The following BANK1 variants were observed in gnomAD, a reference collection of about 807,000 sequenced individuals.
BANK1 encodes the protein B cell scaffold protein with ankyrin repeats 1.
In BANK1, 95 loss-of-function variants were observed where a neutral mutation model predicts 94.5. That is an observed-to-expected ratio of 1.00 (90% CI 0.85 to 1.19). The LOEUF is 1.19. Among genes scored for constraint, BANK1 ranks in the 50% most tolerant of loss-of-function variants. The pLI is 0.00. For missense variants in BANK1, 987 were observed against 932.2 expected, an observed-to-expected ratio of 1.06 and a Z score of -0.77; for synonymous variants, 334 against 308.4, an observed-to-expected ratio of 1.08 and a Z score of -0.87.
At position 102,073,762 on chromosome 4, in the gene BANK1, T is replaced by TTATAC; in HGVS notation, c.*5+14_*5+15insTATAC. ...TCATTAAAGAAGGTAAAATATTAGC[T>TTATAC]GTGTATATTTTTTAGAAAATCTAAA... On this transcript the variant is annotated intron_variant, in intron 16 of 16. Coordinates refer to ENST00000322953, the MANE Select transcript of BANK1 (RefSeq NM_017935.5). 1 of 1,588,168 alleles carries TTATAC rather than the reference T, an allele frequency of 6.3e-7. No homozygotes were observed. Among genetic ancestry groups the TTATAC allele is most frequent in the Non-Finnish European group, 8.6e-7 (1 of 1,162,636 alleles).
intron 7 of BANK1, among the ~76,000 whole-genome samples, chr4:101,946,702 G>C (rs919344958): frequency 6.6e-6 from 1 of 151,886 alleles, no homozygotes; most frequent in Non-Finnish European, 1.5e-5. Flanking sequence ...ACTACTCCTG[G>C]TGATCTTCAA....
intron 1 of BANK1, among the ~76,000 whole-genome samples, chr4:101,815,784 CTCTTG>C (rs1392218100): frequency 7.3e-6 from 1 of 136,194 alleles, no homozygotes; most frequent in Admixed American, 7.2e-5. Flanking sequence ...TTTTGTCACA[CTCTTG>C]TTTTTTATAG....
chr4:101,895,208 T>C, intron 5 of BANK1, 97 bp from the exon 6 acceptor site: 2 of 609,200 alleles, frequency 3.3e-6, no homozygotes, highest in Admixed American at 3.6e-5. Flanking sequence ...TTAGCCATTG[T>C]TTACTCCAGT....
chr4:102,004,344 A>G (rs1369303903), intron 7 of BANK1, among the ~76,000 whole-genome samples: 1 of 152,202 alleles, frequency 6.6e-6, no homozygotes, highest in Non-Finnish European at 1.5e-5. Context: ...CAGGTAAATG[A>G]GGGGTTCATG....
chr4:102,036,120 TGACTGATTTCTG>T (rs1440646046), intron 10 of BANK1, among the ~76,000 whole-genome samples: 1 of 152,248 alleles, frequency 6.6e-6, no homozygotes, highest in Non-Finnish European at 1.5e-5. Context: ...AGAATCCATG[TGACTGATTTCTG>T]GTAGAATATA....
intron 5 of BANK1, among the ~76,000 whole-genome samples, chr4:101,879,467 A>G (rs1410617404): frequency 1.9e-4 from 29 of 152,078 alleles, no homozygotes; most frequent in Admixed American, 1.8e-3. Flanking sequence ...AAGTCTCAGT[A>G]AAGAAAAGCT....
chr4:101,911,270 A>C, intron 6 of BANK1, among the ~76,000 whole-genome samples: 1 of 152,212 alleles, frequency 6.6e-6, no homozygotes, highest in Admixed American at 6.5e-5. Context: ...GAGAACAGTC[A>C]GAGGAAACTT....
chr4:101,791,347 C>T (rs1303862476), intron 1 of BANK1, among the ~76,000 whole-genome samples: 1 of 152,214 alleles, frequency 6.6e-6, no homozygotes, highest in Non-Finnish European at 1.5e-5. Flanking sequence ...CACAGAAAAA[C>T]CGCTCATGTG....
chr4:102,058,787 G>C (rs1282255451), intron 11 of BANK1, among the ~76,000 whole-genome samples: 2 of 150,436 alleles, frequency 1.3e-5, no homozygotes, highest in African/African-American at 4.9e-5. Flanking sequence ...CTGTTGAATG[G>C]AAATGGTGAG....
At chr4:102,001,013 T>C (rs765954226) in intron 7 of BANK1, among the ~76,000 whole-genome samples, 1 of 152,106 alleles carries the variant, frequency 6.6e-6, no homozygotes, top group African/African-American at 2.4e-5. Context: ...AGCGAATGGC[T>C]ACAGTGAGTG....
chr4:101,918,119 G>A lies in BANK1; in HGVS notation c.1136G>A (p.Gly379Asp). 1 of 1,611,532 alleles carries A rather than the reference G, an allele frequency of 6.2e-7. No homozygotes were observed. Among genetic ancestry groups the A allele is most frequent in the Non-Finnish European group, 8.5e-7 (1 of 1,178,466 alleles). Reference sequence around the variant, plus strand: ...GCATCTAAGATGAAAAATATGGAGGGTTCAGACCCCGCACATATTGCTGAA... The same window carrying A: ...GCATCTAAGATGAAAAATATGGAGGATTCAGACCCCGCACATATTGCTGAA... ...TWASKMKNME[G>D]SDPAHIAERH... The change falls in exon 7 of 17, where the codon GGT becomes GAT. Residue 379 changes from glycine to aspartate, a missense_variant. Physicochemically the swap from Gly to Asp is moderately conservative, Grantham distance 94. Transcript: ENST00000322953.
intron 11 of BANK1, among the ~76,000 whole-genome samples, chr4:102,059,033 A>C (rs1728327497): frequency 1.3e-5 from 2 of 152,204 alleles, no homozygotes; most frequent in South Asian, 2.1e-4. Flanking sequence ...CTCTTCAGAC[A>C]TATAACATTT....
rs10212836 is a variant in BANK1, at chr4:101,903,193, A to G, written c.1009+7783A>G. Among the ~76,000 whole-genome samples, 1,095 of 152,308 alleles carry G rather than the reference A, an allele frequency of 7.2e-3. 14 individuals carry two copies. The highest frequency in any genetic ancestry group is 0.025 in the African/African-American group (1,022 of 41,568). ...CAGCACCTTCAATTGGTTTGGATTT[A>G]GTTATTTTAGGGAGAATCCAATTAG... On this transcript the variant is annotated intron_variant, in intron 6 of 16. Transcript: ENST00000322953.
At chr4:101,947,151 A>T (rs1014140828) in intron 7 of BANK1, among the ~76,000 whole-genome samples, 1 of 151,478 alleles carries the variant, frequency 6.6e-6, no homozygotes, top group South Asian at 2.1e-4. Context: ...TAAATTTATG[A>T]TCTCAGTAAA....
intron 7 of BANK1, among the ~76,000 whole-genome samples, chr4:102,000,938 A>G (rs939232409): frequency 6.6e-6 from 1 of 152,134 alleles, no homozygotes; most frequent in South Asian, 2.1e-4. Flanking sequence ...GGGCCAGGGT[A>G]GTGGAGTTTT....
intron 3 of BANK1, among the ~76,000 whole-genome samples, chr4:101,860,727 G>A (rs141750447): frequency 9.9e-5 from 15 of 152,256 alleles, no homozygotes; most frequent in Non-Finnish European, 1.8e-4. Flanking sequence ...CACCGCACCC[G>A]GCCCTGAGTG....
intron 1 of BANK1, among the ~76,000 whole-genome samples, chr4:101,821,288 T>C (rs111281222): frequency 0.063 from 9,586 of 152,300 alleles, 364 homozygotes; most frequent in Middle Eastern, 0.12. Context: ...GCCCACTTTT[T>C]AATGGAGTTG....
chr4:101,983,067 A>G (rs572853935), intron 7 of BANK1, among the ~76,000 whole-genome samples: 3 of 152,070 alleles, frequency 2.0e-5, no homozygotes, highest in East Asian at 3.9e-4. Context: ...ATCCCCTAAC[A>G]AATTGTAGTT....
At chr4:101,971,107 C>T (rs1724936725) in intron 7 of BANK1, among the ~76,000 whole-genome samples, 1 of 152,094 alleles carries the variant, frequency 6.6e-6, no homozygotes, top group Non-Finnish European at 1.5e-5. Context: ...TATAGCATAA[C>T]TTAAAGGTGT....
Sources: allele counts gnomAD v4.1 joint callset (sites outside exome capture counted in the v4.1 genomes callset), GRCh38; gene constraint gnomAD v4.1.1; transcripts MANE v1.5; gene names NCBI Gene and HGNC (gene_info 2026-07-23, HGNC 2026-07-21).